The following SPAG17 variants were observed in gnomAD, a reference collection of about 807,000 sequenced individuals.
SPAG17 encodes sperm-associated antigen 17.
A neutral mutation model predicts 273.6 loss-of-function variants in SPAG17; 169 were observed. That is an observed-to-expected ratio of 0.62 (90% CI 0.55 to 0.70). The LOEUF (loss-of-function observed/expected upper bound fraction) is 0.70, where lower values mean the gene tolerates loss of function less well. Ranked by LOEUF, SPAG17 falls within the 30% of genes least tolerant of loss-of-function variation. The probability of loss-of-function intolerance (pLI) is 0.00; values close to 1 mark genes in which losing one functional copy is unlikely to be tolerated. For synonymous variants in SPAG17, 825 were observed against 873.2 expected, an observed-to-expected ratio of 0.94 and a Z score of 0.97; for missense variants, 2,557 against 2,627.8, an observed-to-expected ratio of 0.97 and a Z score of 0.59.
chr1:118,142,420 T>G (rs1658731674), intron 3 of SPAG17, among the ~76,000 whole-genome samples: 1 of 152,216 alleles, frequency 6.6e-6, no homozygotes, highest in Non-Finnish European at 1.5e-5. Context: ...TGAATATATT[T>G]AACACTACTG....
chr1:118,109,033 G>A (rs1656589293), intron 4 of SPAG17, among the ~76,000 whole-genome samples: 1 of 152,024 alleles, frequency 6.6e-6, no homozygotes, highest in Non-Finnish European at 1.5e-5. Flanking sequence ...ACTTCTTGAT[G>A]TCAAAATTCA....
intron 24 of SPAG17, 26 bp from the exon 25 acceptor site, chr1:118,031,893 A>T: frequency 6.6e-7 from 1 of 1,522,656 alleles, no homozygotes; most frequent in Non-Finnish European, 8.9e-7. Context: ...GTAAAAATGA[A>T]GTTGATTCAA....
At chr1:118,142,897 T>C (rs1658759647) in intron 3 of SPAG17, among the ~76,000 whole-genome samples, 1 of 152,218 alleles carries the variant, frequency 6.6e-6, no homozygotes, top group South Asian at 2.1e-4. Flanking sequence ...TTAGTTTTAA[T>C]TAGTGAGATT....
At position 117,966,682 on chromosome 1, in the gene SPAG17, C is replaced by A; in HGVS notation, c.6459G>T (p.Lys2153Asn). The change falls in exon 47 of 49, where the codon AAG becomes AAT. Residue 2153 changes from lysine to asparagine, a missense_variant. Transcript: ENST00000336338. Reference protein sequence around the residue: ...FATAVGEDGAKGSAHISHNIE... With the variant: ...FATAVGEDGANGSAHISHNIE... ...TATTGTGAGAGATGTGTGCTGATCC[C>A]TTGGCCCCATCCTCTCCAACAGCTG... 1 of 1,614,046 alleles carries A rather than the reference C, an allele frequency of 6.2e-7. No homozygotes were observed. Among genetic ancestry groups the A allele is most frequent in the Non-Finnish European group, 8.5e-7 (1 of 1,179,950 alleles).
rs1647628258 is a variant in SPAG17 at position 118,025,418 on chromosome 1, TA to T, written c.3731-3del. The T allele has an allele frequency of 4.6e-6, 7 of 1,524,958 alleles. No individual in the cohort carries two copies. The highest frequency in any genetic ancestry group is 4.4e-5 in the Admixed American group (2 of 45,082). 94.5% of individuals were successfully genotyped at this position (1,524,958 alleles called of 1,614,324 possible). On this transcript the variant is annotated splice_region_variant and splice_polypyrimidine_tract_variant and intron_variant, in intron 26 of 48. Transcript: ENST00000336338. ...GTTCCTCATCTATAACATATTGACC[TA>T]AAAAAAGAATAAAGCCTTCTTGTGA... is the stretch of plus-strand genomic sequence containing the variant.
At chr1:117,966,446 G>A in intron 47 of SPAG17, 163 bp downstream of exon 47, 1 of 627,876 alleles carries the variant, frequency 1.6e-6, no homozygotes, top group Non-Finnish European at 2.5e-6. Flanking sequence ...ATTTGGCTAG[G>A]TGCTTTCAAA....
intron 31 of SPAG17, among the ~76,000 whole-genome samples, chr1:118,007,590 C>A (rs1233019218): frequency 6.6e-6 from 1 of 152,134 alleles, no homozygotes; most frequent in Non-Finnish European, 1.5e-5. Flanking sequence ...CTCCAGGGAC[C>A]ACACACACCA....
chr1:117,977,320 C>CA (rs1030502832), intron 43 of SPAG17, among the ~76,000 whole-genome samples: 2 of 151,860 alleles, frequency 1.3e-5, no homozygotes, highest in Non-Finnish European at 2.9e-5. Context: ...GACTCCCTCT[C>CA]AAAAAAAGAA....
chr1:117,984,616 A>G (rs1656199332), intron 41 of SPAG17, 67 bp downstream of exon 41: 5 of 991,918 alleles, frequency 5.0e-6, no homozygotes, highest in Non-Finnish European at 6.2e-6. Flanking sequence ...AGATTACATA[A>G]TAACATATGC....
At chr1:118,147,864 G>A (rs956430980) in intron 3 of SPAG17, among the ~76,000 whole-genome samples, 5 of 152,190 alleles carry the variant, frequency 3.3e-5, no homozygotes, top group Non-Finnish European at 7.3e-5. Flanking sequence ...CATGGATGAA[G>A]TATACTATAC....
chr1:118,083,705 A>G (rs1654778634), intron 13 of SPAG17, among the ~76,000 whole-genome samples: 1 of 152,044 alleles, frequency 6.6e-6, no homozygotes, highest in East Asian at 1.9e-4. Context: ...GAATCGCTTG[A>G]ACCCAGGAGG....
chr1:118,054,819 T>C (rs1035941257), intron 19 of SPAG17, among the ~76,000 whole-genome samples: 46 of 152,178 alleles, frequency 3.0e-4, no homozygotes, highest in African/African-American at 1.1e-3. Flanking sequence ...TTGGTCAATA[T>C]GGTAAAAGTT....
Position 118,097,864 on chromosome 1 carries a change from A to G in SPAG17, c.830-13T>C, listed in dbSNP as rs935398207. ...TCTGCTTCTAGATCTAATAATAGCA[A>G]CATGTTTATATTACCAAATGAGAGT... On this transcript the variant is annotated splice_polypyrimidine_tract_variant and intron_variant, in intron 6 of 48. Coordinates refer to ENST00000336338, the MANE Select transcript of SPAG17 (RefSeq NM_206996.4). 1.3e-6 allele frequency: 2 copies of G among 1,540,654 alleles called. No homozygotes were observed. The highest frequency in any genetic ancestry group is 1.4e-5 in the African/African-American group (1 of 72,168).
intron 40 of SPAG17, 67 bp from the exon 41 acceptor site, chr1:117,984,849 CT>C: frequency 1.0e-6 from 1 of 1,002,036 alleles, no homozygotes; most frequent in Non-Finnish European, 1.6e-6. Flanking sequence ...TTTGTTTGTG[CT>C]TTAGCTCTAA....
chr1:118,058,962 A>G (rs2102017017), intron 18 of SPAG17, among the ~76,000 whole-genome samples: 1 of 152,326 alleles, frequency 6.6e-6, no homozygotes, highest in Admixed American at 6.5e-5. Context: ...TAGAAAGGGG[A>G]GTAGATAAAT....
rs577898604 is a variant in SPAG17, at chr1:118,021,344, A to G, written c.4069+1960T>C. On this transcript the variant is annotated intron_variant, in intron 28 of 48. Transcript: ENST00000336338. ...TGATTCTAATCATATGACATTCTGG[A>G]AAAGGTAAAACTATACAGACAATAA... 1.1e-4 allele frequency among the ~76,000 whole-genome samples: 16 copies of G among 152,250 alleles called. 1 individual carries two copies. The highest frequency in any genetic ancestry group is 6.8e-3 in the Middle Eastern group (2 of 294).
At position 118,066,913 on chromosome 1, in the gene SPAG17, T is replaced by C. The variant is rs747194636; in HGVS notation, c.2386-14A>G. The C allele has an allele frequency of 3.1e-6, 5 of 1,595,476 alleles. No individual in the cohort carries two copies. In the Admixed American group the frequency reaches 5.4e-5, roughly 17 times the overall value. On this transcript the variant is annotated splice_polypyrimidine_tract_variant and intron_variant, in intron 17 of 48. Transcript: ENST00000336338. ...TTCTTGAAGGACCTGAAAATCAAAA[T>C]AATTGCATTGTAGAATCTTTTTTAT...
chr1:118,092,583 T>C (rs913552682), intron 8 of SPAG17, among the ~76,000 whole-genome samples: 3 of 152,192 alleles, frequency 2.0e-5, no homozygotes, highest in African/African-American at 7.2e-5. Flanking sequence ...CCCTTTCCCC[T>C]ATCATGCTTT....
At chr1:118,003,078 C>T (rs1395433353) in intron 32 of SPAG17, among the ~76,000 whole-genome samples, 1 of 152,170 alleles carries the variant, frequency 6.6e-6, no homozygotes, top group African/African-American at 2.4e-5. Flanking sequence ...TTCTCCTTCA[C>T]TTATGAAGCT....
Sources: gnomAD v4.1 joint callset for allele counts (sites outside exome capture counted in the v4.1 genomes callset) on GRCh38, gnomAD v4.1.1 for gene constraint, MANE v1.5 for transcripts, NCBI Gene and HGNC (gene_info 2026-07-23, HGNC 2026-07-21) for gene names.